The following ABCB1 variants were observed in gnomAD, a reference collection of about 807,000 sequenced individuals.
The protein encoded by ABCB1 is ATP-dependent translocase ABCB1.
A neutral mutation model predicts 142.0 loss-of-function variants in ABCB1; 69 were observed. The ratio of observed to expected loss-of-function variants is 0.49; its 90% confidence interval spans 0.40 to 0.59. The LOEUF is 0.59. ABCB1 is among the 20% of genes least tolerant of loss of function. The probability of loss-of-function intolerance (pLI) is 0.00; values close to 1 mark genes in which losing one functional copy is unlikely to be tolerated. For missense variants in ABCB1, 1,326 were observed against 1,554.7 expected, an observed-to-expected ratio of 0.85 and a Z score of 2.47; for synonymous variants, 532 against 539.2, an observed-to-expected ratio of 0.99 and a Z score of 0.18.
chr7:87,566,251 C>T lies in ABCB1; in HGVS notation c.531-10G>A, dbSNP rs764727489. The stretch of plus-strand genomic sequence containing the variant: ...AATCTTGGAGACATCACTGAAAGAA[C>T]AGATAGTGTTAGAAATAATTGTCAG... On this transcript the variant is annotated splice_polypyrimidine_tract_variant and intron_variant, in intron 6 of 27. Coordinates refer to ENST00000622132, the MANE Select transcript of ABCB1 (RefSeq NM_001348946.2). 3.1e-6 allele frequency: 5 copies of T among 1,613,114 alleles called. No individual in the cohort carries two copies. In the South Asian group the frequency reaches 5.5e-5, roughly 18 times the overall value.
intron 1 of ABCB1, among the ~76,000 whole-genome samples, chr7:87,689,576 G>T (rs1435598951): frequency 6.6e-6 from 1 of 151,834 alleles, no homozygotes; most frequent in East Asian, 1.9e-4. Context: ...AGCTAATATT[G>T]CTAATATTAC....
chr7:87,687,600 C>G (rs964494730), intron 1 of ABCB1, among the ~76,000 whole-genome samples: 1 of 152,102 alleles, frequency 6.6e-6, no homozygotes, highest in African/African-American at 2.4e-5. Flanking sequence ...AGAGCAGTGC[C>G]TACGATATGG....
chr7:87,662,167 G>A (rs1283283202), intron 1 of ABCB1, among the ~76,000 whole-genome samples: 1 of 151,050 alleles, frequency 6.6e-6, no homozygotes, highest in African/African-American at 2.4e-5. Flanking sequence ...TGTCAGATGA[G>A]TAGTCTGCAA....
chr7:87,626,342 G>GTGTCATATATATGTGTCATATATA (rs1820530843), intron 1 of ABCB1, among the ~76,000 whole-genome samples: 1 of 29,960 alleles, frequency 3.3e-5, no homozygotes, highest in Non-Finnish European at 5.0e-5. Flanking sequence ...TGTCGTATAT[G>GTGTCATATATATGTGTCATATATA]TGTCATATAT....
At chr7:87,552,606 T>C (rs1480109909) in intron 9 of ABCB1, among the ~76,000 whole-genome samples, 2 of 149,572 alleles carry the variant, frequency 1.3e-5, no homozygotes, top group African/African-American at 5.0e-5. Context: ...ACAGAAAACA[T>C]CTGTTATGAC....
intron 1 of ABCB1, among the ~76,000 whole-genome samples, chr7:87,643,918 G>A (rs1381741651): frequency 2.0e-5 from 3 of 151,862 alleles, no homozygotes; most frequent in Non-Finnish European, 4.4e-5. Flanking sequence ...GAGTGCACTG[G>A]CACCATCTCG....
chr7:87,598,536 T>A (rs1487622269), intron 2 of ABCB1, among the ~76,000 whole-genome samples: 4 of 152,216 alleles, frequency 2.6e-5, no homozygotes, highest in Non-Finnish European at 5.9e-5. Flanking sequence ...AGATACAACA[T>A]TTTTCTGATA....
At chr7:87,619,330 T>C (rs1358784132) in intron 1 of ABCB1, among the ~76,000 whole-genome samples, 1 of 152,002 alleles carries the variant, frequency 6.6e-6, no homozygotes, top group East Asian at 1.9e-4. Context: ...CTTGAGGTCA[T>C]GAGTTTGAGA....
At chr7:87,707,785 G>A (rs989171620) in intron 1 of ABCB1, among the ~76,000 whole-genome samples, 2 of 152,092 alleles carry the variant, frequency 1.3e-5, no homozygotes, top group African/African-American at 4.8e-5. Context: ...CTGAGCCATA[G>A]TTTATCTCAG....
chr7:87,545,789 T>C, intron 15 of ABCB1, 74 bp downstream of exon 15: 2 of 1,488,936 alleles, frequency 1.3e-6, no homozygotes. Context: ...TCAAATAATA[T>C]TTATTTTTAG....
At position 87,553,803 on chromosome 7, in the gene ABCB1, G is replaced by A; in HGVS notation, c.957C>T (p.Thr319=). 7 of 1,614,068 alleles carry A rather than the reference G, an allele frequency of 4.3e-6. No individual in the cohort carries two copies. Among genetic ancestry groups the A allele is most frequent in the Non-Finnish European group, 5.9e-6 (7 of 1,179,938 alleles). Residue 319 remains threonine (T), a synonymous_variant, in exon 9 of 28, where the codon ACC becomes ACT. Transcript: ENST00000622132. ...SYALAFWYGT[T]LVLSGEYSIG... The stretch of plus-strand genomic sequence containing the variant: ...TAGAATATTCCCCTGAGAGGACCAA[G>A]GTGGTCCCATACCAGAAGGCCAGAG...
Position 87,702,075 on chromosome 7 carries a change from G to A in ABCB1, c.-331+11086C>T, listed in dbSNP as rs1173164918. ...GGAGAATGGCGTGAACCCAGGAGGC[G>A]GAGCTTGCAGTGAGCAGAGATCGCG... On this transcript the variant is annotated intron_variant, in intron 1 of 28. Coordinates refer to the ABCB1 transcript ENST00000265724. Among the ~76,000 whole-genome samples, 21 of 143,278 alleles carry A rather than the reference G, an allele frequency of 1.5e-4. 1 individual carries two copies. Among genetic ancestry groups the A allele is most frequent in the Admixed American group, 2.1e-4 (3 of 14,090 alleles). The allele number at this position is 143,278 out of a possible 152,430, so 94.0% of individuals were successfully genotyped here.
chr7:87,628,846 G>A (rs779052957), intron 1 of ABCB1: 14 of 1,267,714 alleles, frequency 1.1e-5, no homozygotes, highest in Non-Finnish European at 1.3e-5. Context: ...AGCCTGGGGG[G>A]CCTGAGCGGG....
intron 1 of ABCB1, among the ~76,000 whole-genome samples, chr7:87,675,744 C>T (rs1826290075): frequency 6.8e-6 from 1 of 147,188 alleles, no homozygotes; most frequent in South Asian, 2.2e-4. Context: ...TTATATCATA[C>T]ACAAAAATCA....
At chr7:87,517,715 T>C (rs1452374129) in intron 23 of ABCB1, among the ~76,000 whole-genome samples, 5 of 152,206 alleles carry the variant, frequency 3.3e-5, no homozygotes, top group African/African-American at 1.2e-4. Flanking sequence ...GAAAGTTTCT[T>C]ACAGAGCCAG....
intron 9 of ABCB1, among the ~76,000 whole-genome samples, chr7:87,551,938 A>G (rs193233298): frequency 1.3e-5 from 2 of 152,284 alleles, no homozygotes; most frequent in Non-Finnish European, 2.9e-5. Flanking sequence ...AGTAATAACT[A>G]GTTATATGTT....
intron 1 of ABCB1, among the ~76,000 whole-genome samples, chr7:87,641,511 C>A (rs1822449817): frequency 6.6e-6 from 1 of 152,150 alleles, no homozygotes; most frequent in Admixed American, 6.5e-5. Context: ...TAGCACCCTT[C>A]CTCCAGCAAG....
At chr7:87,564,598 C>G (rs1359466911) in intron 7 of ABCB1, among the ~76,000 whole-genome samples, 1 of 152,188 alleles carries the variant, frequency 6.6e-6, no homozygotes, top group Non-Finnish European at 1.5e-5. Context: ...GGTAGAGCCT[C>G]AGGCTCACAG....
chr7:87,633,026 T>TA (rs1439809157), intron 1 of ABCB1, among the ~76,000 whole-genome samples: 5 of 152,250 alleles, frequency 3.3e-5, no homozygotes, highest in Non-Finnish European at 5.9e-5. Context: ...GTGTTTTTAA[T>TA]AACATATGAA....
Sources: allele counts gnomAD v4.1 joint callset (sites outside exome capture counted in the v4.1 genomes callset), GRCh38; gene constraint gnomAD v4.1.1; transcripts MANE v1.5; gene names NCBI Gene and HGNC (gene_info 2026-07-23, HGNC 2026-07-21).